STEEP1: variants seen among roughly 807,000 people sequenced by gnomAD.
STEEP1 encodes the protein STING ER exit protein.
In STEEP1, 3 loss-of-function variants were observed where a neutral mutation model predicts 19.2. The observed-to-expected ratio is 0.16, with a 90% CI of 0.07 to 0.40. The LOEUF is 0.40. STEEP1 is among the 10% of genes least tolerant of loss of function. The pLI, the probability that STEEP1 is intolerant of heterozygous loss-of-function variation, is 0.99. For missense variants in STEEP1, 54 were observed against 177.1 expected, an observed-to-expected ratio of 0.30 and a Z score of 3.94; for synonymous variants, 46 against 63.7, an observed-to-expected ratio of 0.72 and a Z score of 1.32.
intron 5 of STEEP1, among the ~76,000 whole-genome samples, chrX:119,542,050 CTTTTCTTTTTTTT>C (rs2053165346): frequency 3.7e-5 from 2 of 53,783 alleles, no homozygotes; most frequent in African/African-American, 1.3e-4. Flanking sequence ...AGTTTCTTTT[CTTTTCTTTTTTTT>C]TTTTTTTTTT....
chrX:119,564,365 G>A (rs1441555169), intron 1 of STEEP1, among the ~76,000 whole-genome samples: 3 of 109,266 alleles, frequency 2.7e-5, no homozygotes, highest in African/African-American at 1.0e-4. Flanking sequence ...GCATGGTGGC[G>A]GGCGCCTGTA....
chrX:119,542,401 G>A, intron 5 of STEEP1, 104 bp downstream of exon 5: 2 of 567,318 alleles, frequency 3.5e-6, no homozygotes, highest in Non-Finnish European at 6.0e-6. Flanking sequence ...GTCTAAAAGT[G>A]AAGTCTCTAA....
chrX:119,544,682 T>G (rs1309119792), intron 3 of STEEP1, among the ~76,000 whole-genome samples, 191 bp from the exon 4 acceptor site: 1 of 112,427 alleles, frequency 8.9e-6, no homozygotes, highest in East Asian at 2.8e-4. Context: ...GGCTCACGCC[T>G]GTAATCTCAG....
chrX:119,554,437 T>C (rs1250613567), intron 2 of STEEP1, among the ~76,000 whole-genome samples: 1 of 110,690 alleles, frequency 9.0e-6, no homozygotes, highest in Admixed American at 9.6e-5. Flanking sequence ...AGAGTGAGAC[T>C]TCATCTCAAG....
chrX:119,553,085 C>T (rs917896917), intron 2 of STEEP1, among the ~76,000 whole-genome samples: 6 of 104,033 alleles, frequency 5.8e-5, no homozygotes, highest in African/African-American at 1.4e-4. Flanking sequence ...ACCTGGGAGG[C>T]GGAGGTTACA....
chrX:119,558,947 T>C (rs1268695179), intron 2 of STEEP1, among the ~76,000 whole-genome samples: 2 of 111,010 alleles, frequency 1.8e-5, no homozygotes, highest in Non-Finnish European at 1.9e-5. Flanking sequence ...CCGGGCGCAG[T>C]GGCTCACCCC....
intron 6 of STEEP1, among the ~76,000 whole-genome samples, chrX:119,540,805 G>A (rs773351209): frequency 6.2e-5 from 7 of 112,178 alleles, no homozygotes; most frequent in Non-Finnish European, 9.4e-5. Context: ...CAGTACTTTG[G>A]GAGCCCGAGG....
chrX:119,564,220 G>A (rs948893486), intron 1 of STEEP1, among the ~76,000 whole-genome samples: 5 of 111,794 alleles, frequency 4.5e-5, no homozygotes, highest in African/African-American at 1.6e-4. Context: ...TCTAAGGCTG[G>A]GCGCGGTGGC....
chrX:119,564,781 G>C (rs957786752), intron 1 of STEEP1, among the ~76,000 whole-genome samples: 2 of 111,055 alleles, frequency 1.8e-5, no homozygotes, highest in African/African-American at 3.3e-5. Context: ...CTTTTGAGAA[G>C]CTTTGCTATA....
At chrX:119,542,998 A>C (rs1472130921) in intron 4 of STEEP1, among the ~76,000 whole-genome samples, 3 of 12,960 alleles carry the variant, frequency 2.3e-4, no homozygotes, top group Non-Finnish European at 4.5e-4. Flanking sequence ...TGGGTCTCGC[A>C]AAAAAAAAAA....
At chrX:119,559,226 A>C (rs2053304855) in intron 2 of STEEP1, among the ~76,000 whole-genome samples, 1 of 109,770 alleles carries the variant, frequency 9.1e-6, no homozygotes, top group African/African-American at 3.3e-5. Flanking sequence ...CAAAAAAAAA[A>C]AAACGGAGAT....
chrX:119,539,437 A>T lies in STEEP1; in HGVS notation c.*290T>A, dbSNP rs186241639. 1.2e-3 allele frequency: 228 copies of T among 184,623 alleles called. No individual in the cohort carries two copies. The highest frequency in any genetic ancestry group is 6.6e-3 in the African/African-American group (217 of 32,737). The allele number at this position is 184,623 out of a possible 1,213,427, so 15.2% of individuals were successfully genotyped here. A position where few individuals can be genotyped will look rare whatever the true frequency, so the allele number is the denominator to read the frequency against. Reference sequence around the variant, plus strand: ...TCCCAGCTACTCAGGAGGCTGAGGCAGGAGAACTGCTTGAACCCGGGAGGC... The same window carrying T: ...TCCCAGCTACTCAGGAGGCTGAGGCTGGAGAACTGCTTGAACCCGGGAGGC... On this transcript the variant is annotated 3_prime_UTR_variant, in exon 7 of 7. Transcript: ENST00000644802.
At chrX:119,555,307 C>T (rs2053271708) in intron 2 of STEEP1, among the ~76,000 whole-genome samples, 1 of 109,118 alleles carries the variant, frequency 9.2e-6, no homozygotes, top group African/African-American at 3.3e-5. Context: ...GATCATAGAG[C>T]GCATTCAGGC....
At chrX:119,551,219 A>G (rs1424912702) in intron 2 of STEEP1, among the ~76,000 whole-genome samples, 2 of 110,571 alleles carry the variant, frequency 1.8e-5, no homozygotes, top group Non-Finnish European at 3.8e-5. Flanking sequence ...GGCGGCTCAC[A>G]CCTGTAATCC....
chrX:119,552,673 T>C (rs186247243), intron 2 of STEEP1, among the ~76,000 whole-genome samples: 21 of 112,046 alleles, frequency 1.9e-4, no homozygotes, highest in Non-Finnish European at 3.0e-4. Context: ...AGAAATGTGA[T>C]TGGACAAAAA....
chrX:119,559,865 A>G (rs1022398730), intron 2 of STEEP1, among the ~76,000 whole-genome samples: 2 of 102,930 alleles, frequency 1.9e-5, no homozygotes, highest in African/African-American at 3.5e-5. Context: ...CCTGGCCGAC[A>G]TGGTGAAACT....
intron 4 of STEEP1, among the ~76,000 whole-genome samples, chrX:119,543,482 C>T (rs888381903): frequency 6.4e-5 from 7 of 109,821 alleles, no homozygotes; most frequent in Admixed American, 5.8e-4. Context: ...CCACTGCACC[C>T]GGCCAATTAA....
chrX:119,544,663 G>A, intron 3 of STEEP1, among the ~76,000 whole-genome samples, 172 bp from the exon 4 acceptor site: 1 of 112,364 alleles, frequency 8.9e-6, no homozygotes, highest in Non-Finnish European at 1.9e-5. Context: ...CACTTAGGCC[G>A]GGCGTGGTGG....
chrX:119,553,847 A>G (rs1569400405), intron 2 of STEEP1, among the ~76,000 whole-genome samples: 1 of 112,101 alleles, frequency 8.9e-6, no homozygotes, highest in Non-Finnish European at 1.9e-5. Flanking sequence ...TTCAAGTACC[A>G]ATGACAAACT....
Sources: allele counts gnomAD v4.1 joint callset (sites outside exome capture counted in the v4.1 genomes callset), GRCh38; gene constraint gnomAD v4.1.1; transcripts MANE v1.5; gene names NCBI Gene and HGNC (gene_info 2026-07-23, HGNC 2026-07-21).